EFHD1: variants seen among roughly 807,000 people sequenced by gnomAD.
EFHD1 encodes the protein EF-hand domain-containing protein D1.
EFHD1 carries 10 observed loss-of-function variants against 17.2 expected under a neutral mutation model. The ratio of observed to expected loss-of-function variants is 0.58; its 90% CI spans 0.36 to 0.99. The LOEUF is 0.99. Ranked by LOEUF, EFHD1 falls within the 50% of genes least tolerant of loss-of-function variation. The pLI is 0.01. For missense variants in EFHD1, 310 were observed against 327.5 expected (o/e 0.95, Z 0.41); for synonymous variants, 153 against 142.0 (o/e 1.08, Z -0.55).
chr2:232,615,330 T>TGTGTGTGTGA (rs1693907398), intron 1 of EFHD1, among the ~76,000 whole-genome samples: 4 of 141,056 alleles, frequency 2.8e-5, no homozygotes, highest in African/African-American at 4.9e-5. Context: ...TGTGTGTGTG[T>TGTGTGTGTGA]GTGTGTGTGT....
intron 1 of EFHD1, among the ~76,000 whole-genome samples, chr2:232,650,297 T>A (rs1694620616): frequency 6.6e-6 from 1 of 150,430 alleles, no homozygotes; most frequent in South Asian, 2.1e-4. Context: ...TTGCCTTTTT[T>A]TTTTTTTTTT....
rs987099338 is a variant in EFHD1 at position 232,617,349 on chromosome 2, C to T, written c.14+11176C>T. Among the ~76,000 whole-genome samples the T allele has an allele frequency of 5.3e-4, 80 of 152,108 alleles. 1 individual carries two copies. The highest frequency in any genetic ancestry group is 5.2e-3 in the Admixed American group (79 of 15,254). ...TGTGTATGCTGGTAAACCCTTAACT[C>T]AGTATGTATCAAGAATGCTGGCCGG... On this transcript the variant is annotated intron_variant, in intron 1 of 3. Transcript: ENST00000409613.
At position 232,633,807 on chromosome 2, in the gene EFHD1, GAGCCCA is replaced by G; in HGVS notation, c.109_114del (p.Lys37_Pro38del). 2 of 1,460,096 alleles carry G rather than the reference GAGCCCA, an allele frequency of 1.4e-6. No individual in the cohort carries two copies. Among genetic ancestry groups the G allele is most frequent in the Admixed American group, 2.6e-5 (1 of 38,326 alleles). The allele number at this position is 1,460,096 out of a possible 1,614,324, so 90.4% of individuals were successfully genotyped here. A position where few individuals can be genotyped will look rare whatever the true frequency, so the allele number is the denominator to read the frequency against. ...GGCTCCCCTCGGCGCCCCAGCCCCG[GAGCCCA>G]AGCCCGAGCCCGAGCCTCCCGCCCG... On this transcript the variant is annotated inframe_deletion, in exon 1 of 4. Transcript: ENST00000264059.
chr2:232,672,895 C>CT (rs1414145654), intron 3 of EFHD1, among the ~76,000 whole-genome samples: 3 of 152,142 alleles, frequency 2.0e-5, no homozygotes, highest in South Asian at 4.1e-4. Context: ...ACTCTAAATT[C>CT]TTACTTCTCT....
intron 1 of EFHD1, among the ~76,000 whole-genome samples, chr2:232,634,939 C>T (rs1013670220): frequency 6.6e-6 from 1 of 152,190 alleles, no homozygotes; most frequent in Non-Finnish European, 1.5e-5. Context: ...TTTTTAAAAG[C>T]GCATGGAATG....
intron 1 of EFHD1, among the ~76,000 whole-genome samples, chr2:232,615,629 C>T (rs1020096045): frequency 1.3e-5 from 2 of 150,882 alleles, no homozygotes; most frequent in Non-Finnish European, 3.0e-5. Context: ...TGCTGAGTAA[C>T]ACTTTTTAAA....
intron 3 of EFHD1, 49 bp downstream of exon 3, chr2:232,672,492 G>A (rs748372288): frequency 5.4e-5 from 84 of 1,541,556 alleles, no homozygotes; most frequent in Non-Finnish European, 7.1e-5. Flanking sequence ...CAGCCTTCAC[G>A]CTGCCCACCA....
chr2:232,613,715 AATATACACACAC>A (rs1347423917), intron 1 of EFHD1, among the ~76,000 whole-genome samples: 11 of 145,552 alleles, frequency 7.6e-5, no homozygotes, highest in African/African-American at 2.5e-4. Context: ...TACACACACA[AATATACACACAC>A]ATATACGCAC....
intron 1 of EFHD1, among the ~76,000 whole-genome samples, chr2:232,614,204 A>C (rs1316227955): frequency 6.6e-6 from 1 of 152,148 alleles, no homozygotes; most frequent in Non-Finnish European, 1.5e-5. Flanking sequence ...ACACACATAT[A>C]TATTTCTAAA....
intron 1 of EFHD1, among the ~76,000 whole-genome samples, chr2:232,614,298 G>A (rs1693878903): frequency 6.6e-6 from 1 of 152,056 alleles, no homozygotes; most frequent in Non-Finnish European, 1.5e-5. Flanking sequence ...GTGACCCTGA[G>A]TGTGCCTGCC....
intron 1 of EFHD1, among the ~76,000 whole-genome samples, chr2:232,614,007 C>T (rs1693869276): frequency 6.6e-6 from 1 of 151,384 alleles, no homozygotes; most frequent in Non-Finnish European, 1.5e-5. Context: ...TGTGCACATA[C>T]ACATATACAC....
chr2:232,638,515 G>A (rs1278723817), intron 1 of EFHD1: 5 of 468,674 alleles, frequency 1.1e-5, no homozygotes, highest in South Asian at 3.1e-5. Flanking sequence ...TTCATTTCTC[G>A]TCCCCTCTCC....
chr2:232,625,959 G>A (rs577350903), intron 1 of EFHD1, among the ~76,000 whole-genome samples: 1 of 152,236 alleles, frequency 6.6e-6, no homozygotes, highest in East Asian at 1.9e-4. Flanking sequence ...GGGAGGCTGC[G>A]GCGGGAGGAT....
chr2:232,664,895 G>A lies in EFHD1; in HGVS notation c.450+1946G>A, dbSNP rs147729134. Among the ~76,000 whole-genome samples the A allele has an allele frequency of 5.5e-3, 829 of 151,938 alleles. 3 individuals are homozygous for A. The highest frequency in any genetic ancestry group is 0.02 in the Middle Eastern group (6 of 294). On this transcript the variant is annotated intron_variant, in intron 2 of 3. Coordinates refer to ENST00000264059, the MANE Select transcript of EFHD1 (RefSeq NM_025202.4). The stretch of plus-strand genomic sequence containing the variant: ...CCCAAAGTGCTGGGATTACAGGTGT[G>A]AGCCACCACGCCCGGCCTATTTTTT...
At chr2:232,652,753 T>C (rs1694683102) in intron 1 of EFHD1, among the ~76,000 whole-genome samples, 1 of 152,104 alleles carries the variant, frequency 6.6e-6, no homozygotes, top group Non-Finnish European at 1.5e-5. Flanking sequence ...TAGGTAGACA[T>C]CAGGCATTTT....
intron 1 of EFHD1, among the ~76,000 whole-genome samples, chr2:232,622,190 G>A (rs531751326): frequency 1.1e-4 from 16 of 152,216 alleles, no homozygotes; most frequent in East Asian, 1.9e-4. Flanking sequence ...ATCTGGGGCC[G>A]GGCATGGTGG....
intron 1 of EFHD1, among the ~76,000 whole-genome samples, chr2:232,618,046 G>A (rs1693959503): frequency 6.6e-6 from 1 of 151,800 alleles, no homozygotes; most frequent in African/African-American, 2.4e-5. Flanking sequence ...TTGAGATGGA[G>A]TCTCGCTCTG....
intron 1 of EFHD1, among the ~76,000 whole-genome samples, chr2:232,627,074 T>G (rs1405280892): frequency 1.4e-5 from 2 of 141,768 alleles, no homozygotes; most frequent in Non-Finnish European, 3.1e-5. Context: ...ATTTTTTTTT[T>G]TTTTTAATTA....
At position 232,667,796 on chromosome 2, in the gene EFHD1, G is replaced by A. The variant is rs575664474; in HGVS notation, c.451-4513G>A. 2.0e-4 allele frequency among the ~76,000 whole-genome samples: 31 copies of A among 152,234 alleles called. No individual in the cohort carries two copies. The South Asian group carries it at 3.3e-3, about 16-fold the overall frequency. ...TGGTCTCAAACTCCTGACCTCAGGC[G>A]ATCCACCCGCCTTGGCCTCCCAAAG... On this transcript the variant is annotated intron_variant, in intron 2 of 3. Coordinates refer to ENST00000264059, the MANE Select transcript of EFHD1 (RefSeq NM_025202.4).
Sources: gnomAD v4.1 joint callset for allele counts (sites outside exome capture counted in the v4.1 genomes callset) on GRCh38, gnomAD v4.1.1 for gene constraint, MANE v1.5 for transcripts, NCBI Gene and HGNC (gene_info 2026-07-23, HGNC 2026-07-21) for gene names.